The following GPC6 variants were observed in gnomAD, a reference collection of about 807,000 sequenced individuals.
The protein encoded by GPC6 is glypican-6.
In GPC6, 14 loss-of-function variants were observed where a neutral mutation model predicts 55.2. The observed-to-expected ratio is 0.25, with a 90% CI of 0.17 to 0.40. The LOEUF is 0.40. Ranked by LOEUF, GPC6 falls within the 10% of genes least tolerant of loss-of-function variation. The pLI, the probability that GPC6 is intolerant of heterozygous loss-of-function variation, is 1.00. For missense variants in GPC6, 641 were observed against 708.5 expected (o/e 0.90, Z 1.08); for synonymous variants, 278 against 259.6 (o/e 1.07, Z -0.68).
At chr13:94,393,016 T>C (rs1319636908) in intron 7 of GPC6, among the ~76,000 whole-genome samples, 1 of 152,232 alleles carries the variant, frequency 6.6e-6, no homozygotes, top group Non-Finnish European at 1.5e-5. Flanking sequence ...TCCACATTTT[T>C]ACCAACACTT....
chr13:94,255,994 A>G (rs1246054814), intron 4 of GPC6, among the ~76,000 whole-genome samples: 2 of 152,162 alleles, frequency 1.3e-5, no homozygotes, highest in East Asian at 3.9e-4. Context: ...GATCACCTGA[A>G]TCAAAACTTG....
chr13:94,083,415 G>A (rs1885178574), intron 4 of GPC6, among the ~76,000 whole-genome samples: 1 of 152,192 alleles, frequency 6.6e-6, no homozygotes, highest in Non-Finnish European at 1.5e-5. Context: ...ACTGCACCCG[G>A]CCAGGTTTTT....
At chr13:93,523,018 T>A (rs552172560) in intron 1 of GPC6, among the ~76,000 whole-genome samples, 2,091 of 146,220 alleles carry the variant, frequency 0.014, 26 homozygotes, top group Middle Eastern at 0.041. Context: ...AAAAAATATA[T>A]ATATATATAT....
At chr13:93,878,546 T>C (rs1274335615) in intron 3 of GPC6, among the ~76,000 whole-genome samples, 1 of 151,952 alleles carries the variant, frequency 6.6e-6, no homozygotes, top group Admixed American at 6.6e-5. Flanking sequence ...ACCTGGCTAA[T>C]TTTGTATTTT....
chr13:94,323,437 A>G (rs915677669), intron 6 of GPC6, among the ~76,000 whole-genome samples: 2 of 152,252 alleles, frequency 1.3e-5, no homozygotes, highest in African/African-American at 4.8e-5. Flanking sequence ...AATAATAGCA[A>G]TAACAATCAT....
chr13:93,498,350 T>C (rs1238399056), intron 1 of GPC6, among the ~76,000 whole-genome samples: 1 of 152,184 alleles, frequency 6.6e-6, no homozygotes, highest in Admixed American at 6.5e-5. Flanking sequence ...ATGATACCCT[T>C]TTAATTGAGG....
At chr13:93,777,635 T>C (rs571993754) in intron 2 of GPC6, among the ~76,000 whole-genome samples, 1 of 152,320 alleles carries the variant, frequency 6.6e-6, no homozygotes, top group Non-Finnish European at 1.5e-5. Context: ...TTTCCCTGTA[T>C]AGTAATAACA....
intron 6 of GPC6, among the ~76,000 whole-genome samples, chr13:94,371,799 A>G (rs1374116358): frequency 6.6e-6 from 1 of 152,214 alleles, no homozygotes; most frequent in Non-Finnish European, 1.5e-5. Context: ...ATGGTTGACT[A>G]TTTTGCTATT....
intron 6 of GPC6, among the ~76,000 whole-genome samples, chr13:94,325,549 T>A (rs1365037171): frequency 6.6e-6 from 1 of 152,220 alleles, no homozygotes; most frequent in Non-Finnish European, 1.5e-5. Context: ...TATTTTCGGT[T>A]GAACTGATGA....
intron 6 of GPC6, among the ~76,000 whole-genome samples, chr13:94,340,414 A>G (rs1469866439): frequency 6.6e-6 from 1 of 152,252 alleles, no homozygotes; most frequent in Admixed American, 6.5e-5. Flanking sequence ...ATGGAGCTAC[A>G]TTAAAATCAT....
At chr13:93,979,018 A>G (rs1490787171) in intron 3 of GPC6, among the ~76,000 whole-genome samples, 8 of 152,216 alleles carry the variant, frequency 5.3e-5, no homozygotes, top group African/African-American at 1.9e-4. Context: ...TACTAAAGAT[A>G]TAGAATGTTA....
intron 5 of GPC6, among the ~76,000 whole-genome samples, chr13:94,303,122 G>A (rs906012054): frequency 6.6e-6 from 1 of 152,222 alleles, no homozygotes; most frequent in Non-Finnish European, 1.5e-5. Context: ...AGCTCCAGCC[G>A]TAACAAACAC....
intron 1 of GPC6, among the ~76,000 whole-genome samples, chr13:93,477,684 T>A (rs1879349930): frequency 6.6e-6 from 1 of 152,134 alleles, no homozygotes; most frequent in Non-Finnish European, 1.5e-5. Flanking sequence ...GAATTGAGAG[T>A]TGGTACTCTT....
At chr13:93,894,510 G>A (rs1267358600) in intron 3 of GPC6, among the ~76,000 whole-genome samples, 1 of 152,082 alleles carries the variant, frequency 6.6e-6, no homozygotes, top group East Asian at 1.9e-4. Context: ...AAATAAGCAT[G>A]TAAGAAAAAT....
intron 2 of GPC6, among the ~76,000 whole-genome samples, chr13:93,828,304 C>T (rs1261195038): frequency 6.6e-6 from 1 of 151,986 alleles, no homozygotes; most frequent in Non-Finnish European, 1.5e-5. Context: ...TCAGCAAGGC[C>T]AAGCTACTTT....
intron 1 of GPC6, among the ~76,000 whole-genome samples, chr13:93,267,834 T>G (rs73540357): frequency 0.039 from 5,885 of 152,262 alleles, 367 homozygotes; most frequent in African/African-American, 0.13. Flanking sequence ...GATTTTATAT[T>G]TTTTTAGGGA....
At chr13:94,228,213 T>G (rs755887231) in intron 4 of GPC6, among the ~76,000 whole-genome samples, 1 of 152,106 alleles carries the variant, frequency 6.6e-6, no homozygotes, top group Non-Finnish European at 1.5e-5. Context: ...AGTAATCCTT[T>G]AGGGACTGAC....
At chr13:94,066,773 A>T (rs1015525168) in intron 4 of GPC6, among the ~76,000 whole-genome samples, 5 of 152,172 alleles carry the variant, frequency 3.3e-5, no homozygotes, top group African/African-American at 1.2e-4. Flanking sequence ...TTCCGCAAGG[A>T]ACACACAACT....
At chr13:93,747,371 A>G (rs1884431335) in intron 2 of GPC6, among the ~76,000 whole-genome samples, 1 of 152,180 alleles carries the variant, frequency 6.6e-6, no homozygotes, top group Admixed American at 6.5e-5. Context: ...GAGACTGTAC[A>G]GTCAAACCTA....
Sources: gnomAD v4.1 joint callset for allele counts (sites outside exome capture counted in the v4.1 genomes callset) on GRCh38, gnomAD v4.1.1 for gene constraint, MANE v1.5 for transcripts, NCBI Gene and HGNC (gene_info 2026-07-23, HGNC 2026-07-21) for gene names.